The following HNF1B variants were observed in gnomAD, a reference collection of about 807,000 sequenced individuals.
HNF1B encodes the protein HNF1 homeobox B, also known as hepatocyte nuclear factor 1-beta.
A neutral mutation model predicts 61.7 loss-of-function variants in HNF1B; 8 were observed. That is an observed-to-expected ratio of 0.13 (90% CI 0.08 to 0.23). HNF1B has a LOEUF of 0.23. HNF1B is among the 10% of genes least tolerant of loss of function. The probability of loss-of-function intolerance (pLI) is 1.00; values close to 1 mark genes in which losing one functional copy is unlikely to be tolerated. For missense variants in HNF1B, 562 were observed against 714.5 expected (o/e 0.79, Z 2.43); for synonymous variants, 314 against 287.7 (o/e 1.09, Z -0.93).
At chr17:37,740,972 G>A (rs981709324) in intron 1 of HNF1B, among the ~76,000 whole-genome samples, 3 of 152,012 alleles carry the variant, frequency 2.0e-5, no homozygotes, top group African/African-American at 7.2e-5. Context: ...CAGAACAAAA[G>A]TACTAAAGAA....
chr17:37,724,032 C>A (rs183602345), intron 4 of HNF1B, among the ~76,000 whole-genome samples: 141 of 152,212 alleles, frequency 9.3e-4, no homozygotes, highest in East Asian at 2.1e-3. Context: ...AGAGCATTTC[C>A]CCATATTAGA....
intron 4 of HNF1B, among the ~76,000 whole-genome samples, chr17:37,717,886 T>C (rs2033176714): frequency 6.6e-6 from 1 of 152,132 alleles, no homozygotes; most frequent in South Asian, 2.1e-4. Flanking sequence ...TTGCAAAGAG[T>C]TTAGAAGATT....
intron 4 of HNF1B, among the ~76,000 whole-genome samples, chr17:37,719,236 T>C (rs2147501681): frequency 6.6e-6 from 1 of 152,174 alleles, no homozygotes; most frequent in Admixed American, 6.5e-5. Context: ...TCCCTGTTTT[T>C]CCATGGGCAA....
chr17:37,689,403 A>G (rs1447727101), intron 8 of HNF1B, among the ~76,000 whole-genome samples: 17 of 152,236 alleles, frequency 1.1e-4, no homozygotes, highest in Non-Finnish European at 5.9e-5. Flanking sequence ...AAGAGCAAAC[A>G]AGAAGGGCAG....
At chr17:37,735,600 T>C (rs147126560) in intron 2 of HNF1B, among the ~76,000 whole-genome samples, 39 of 152,344 alleles carry the variant, frequency 2.6e-4, no homozygotes, top group South Asian at 6.2e-4. Context: ...AAGTCACTGC[T>C]AGTGGGATCA....
intron 5 of HNF1B, among the ~76,000 whole-genome samples, chr17:37,707,179 G>A (rs1568643096): frequency 6.7e-6 from 1 of 149,812 alleles, no homozygotes; most frequent in Non-Finnish European, 1.5e-5. Context: ...GCAGTGGCAT[G>A]ATCACAGCTC....
At chr17:37,727,017 G>C (rs2033522196) in intron 4 of HNF1B, among the ~76,000 whole-genome samples, 1 of 152,128 alleles carries the variant, frequency 6.6e-6, no homozygotes, top group Admixed American at 6.5e-5. Flanking sequence ...CTAGAGCAAA[G>C]GGTACAGGGA....
chr17:37,695,732 T>C (rs1568634553), intron 8 of HNF1B, among the ~76,000 whole-genome samples: 1 of 152,288 alleles, frequency 6.6e-6, no homozygotes, highest in Non-Finnish European at 1.5e-5. Context: ...CAGACTTGCA[T>C]GGGGTGTTAC....
intron 2 of HNF1B, among the ~76,000 whole-genome samples, chr17:37,736,231 G>T (rs2033828601): frequency 1.3e-5 from 2 of 152,352 alleles, no homozygotes; most frequent in Non-Finnish European, 2.9e-5. Flanking sequence ...GCCCTGTGTG[G>T]CACCAGTAGA....
In HNF1B at chr17:37,687,192, C is replaced by G. The variant is rs145447469; in HGVS notation, c.*180G>C. ...ACTGCATAGAAGGGAAACTGGGCTT[C>G]GGGCTGCGCCTCCTGAGAGTGGATT... On this transcript the variant is annotated 3_prime_UTR_variant, in exon 9 of 9. Transcript: ENST00000617811. 1.1e-6 allele frequency: 1 copy of G among 933,802 alleles called. No homozygotes were observed. Among genetic ancestry groups the G allele is most frequent in the Admixed American group, 2.0e-5 (1 of 50,348 alleles). 57.8% of individuals were successfully genotyped at this position (933,802 alleles called of 1,614,324 possible). A position where few individuals can be genotyped will look rare whatever the true frequency, so the allele number is the denominator to read the frequency against.
At chr17:37,737,411 C>T (rs1265697446) in intron 2 of HNF1B, among the ~76,000 whole-genome samples, 3 of 152,116 alleles carry the variant, frequency 2.0e-5, no homozygotes, top group African/African-American at 7.2e-5. Flanking sequence ...CAGGTAAGTC[C>T]CTGGAGAAAA....
chr17:37,714,132 CATCT>C (rs1164108139), intron 4 of HNF1B, among the ~76,000 whole-genome samples: 2 of 152,292 alleles, frequency 1.3e-5, no homozygotes, highest in African/African-American at 4.8e-5. Context: ...TAACAATATC[CATCT>C]GTCAGGTCAT....
chr17:37,712,963 T>C (rs1381924924), intron 4 of HNF1B, among the ~76,000 whole-genome samples: 1 of 152,202 alleles, frequency 6.6e-6, no homozygotes, highest in East Asian at 1.9e-4. Context: ...GAATTATCTT[T>C]CCGTAGAGAA....
At chr17:37,739,355 G>A (rs1598848511) in intron 2 of HNF1B, 85 bp downstream of exon 2, 6 of 1,282,626 alleles carry the variant, frequency 4.7e-6, no homozygotes, top group East Asian at 2.3e-5. Context: ...AGGCCTTGTC[G>A]ATGAAAGGGA....
intron 4 of HNF1B, among the ~76,000 whole-genome samples, chr17:37,721,711 C>T (rs1364517146): frequency 3.0e-5 from 4 of 132,446 alleles, no homozygotes; most frequent in Non-Finnish European, 5.1e-5. Context: ...GCATCCAAAT[C>T]TCTCTCTCTT....
intron 8 of HNF1B, among the ~76,000 whole-genome samples, chr17:37,690,541 T>G (rs1034829528): frequency 6.6e-6 from 1 of 152,194 alleles, no homozygotes; most frequent in African/African-American, 2.4e-5. Context: ...GGGCCTGGGC[T>G]GGGACTAGGG....
chr17:37,706,258 C>T (rs945650074), intron 5 of HNF1B, among the ~76,000 whole-genome samples: 1 of 152,110 alleles, frequency 6.6e-6, no homozygotes, highest in Non-Finnish European at 1.5e-5. Context: ...TGTGCCCAGC[C>T]TCAAAATAAT....
intron 1 of HNF1B, among the ~76,000 whole-genome samples, chr17:37,740,284 C>T (rs1473726608): frequency 6.6e-6 from 1 of 152,122 alleles, no homozygotes; most frequent in Non-Finnish European, 1.5e-5. Context: ...ATTTTGCTTT[C>T]CTCCATTTTC....
At chr17:37,694,932 G>A (rs1255998266) in intron 8 of HNF1B, among the ~76,000 whole-genome samples, 2 of 152,202 alleles carry the variant, frequency 1.3e-5, no homozygotes, top group South Asian at 2.1e-4. Context: ...TAAAAGTTTG[G>A]AAAATTTGCA....
Sources: gnomAD v4.1 joint callset for allele counts (sites outside exome capture counted in the v4.1 genomes callset) on GRCh38, gnomAD v4.1.1 for gene constraint, MANE v1.5 for transcripts, NCBI Gene and HGNC (gene_info 2026-07-23, HGNC 2026-07-21) for gene names.